The following TAFA5 variants were observed in gnomAD, a reference collection of about 807,000 sequenced individuals.
The protein encoded by TAFA5 is TAFA chemokine like family member 5.
In TAFA5, 6 loss-of-function variants were observed where a neutral mutation model predicts 15.3. The ratio of observed to expected loss-of-function variants is 0.39; its 90% CI spans 0.21 to 0.77. The LOEUF is 0.77. Ranked by LOEUF, TAFA5 falls within the 30% of genes least tolerant of loss-of-function variation. The probability of loss-of-function intolerance (pLI) is 0.41; values close to 1 mark genes in which losing one functional copy is unlikely to be tolerated. For synonymous variants in TAFA5, 103 were observed against 80.7 expected (o/e 1.28, Z -1.48); for missense variants, 161 against 193.1 (o/e 0.83, Z 0.98).
At chr22:48,615,289 G>A (rs1177463737) in intron 1 of TAFA5, among the ~76,000 whole-genome samples, 7 of 152,186 alleles carry the variant, frequency 4.6e-5, no homozygotes, top group Non-Finnish European at 1.0e-4. Context: ...AAAAGCACTC[G>A]TATCTGCCCA....
chr22:48,735,424 C>T (rs1929981701), intron 3 of TAFA5, among the ~76,000 whole-genome samples: 1 of 152,180 alleles, frequency 6.6e-6, no homozygotes, highest in Non-Finnish European at 1.5e-5. Context: ...ATAGAGAATT[C>T]CCAAAATACG....
intron 1 of TAFA5, among the ~76,000 whole-genome samples, chr22:48,582,466 C>CACCACAT (rs1924093377): frequency 6.6e-6 from 1 of 151,008 alleles, no homozygotes; most frequent in African/African-American, 2.4e-5. Context: ...ACACAAAATA[C>CACCACAT]ACCACACACA....
intron 1 of TAFA5, among the ~76,000 whole-genome samples, chr22:48,522,352 A>G (rs1006430568): frequency 1.3e-5 from 2 of 151,852 alleles, no homozygotes; most frequent in Non-Finnish European, 2.9e-5. Context: ...GTCTGTGCCC[A>G]CAGGCTGGGG....
chr22:48,639,494 CAGG>C (rs1022777156), intron 1 of TAFA5, among the ~76,000 whole-genome samples: 1 of 152,240 alleles, frequency 6.6e-6, no homozygotes, highest in Admixed American at 6.5e-5. Context: ...CCACGGGTGG[CAGG>C]AGCTGCTCCA....
intron 1 of TAFA5, among the ~76,000 whole-genome samples, chr22:48,516,476 C>T (rs1021512748): frequency 2.0e-5 from 3 of 152,168 alleles, no homozygotes; most frequent in African/African-American, 4.8e-5. Context: ...CGCTGCTGAA[C>T]GAAATGGGGG....
intron 1 of TAFA5, among the ~76,000 whole-genome samples, chr22:48,583,550 TACACCACAC>T (rs1168526824): frequency 1.7e-5 from 2 of 116,940 alleles, no homozygotes; most frequent in Non-Finnish European, 3.6e-5. Flanking sequence ...ACATACAAAA[TACACCACAC>T]ACACCACACA....
chr22:48,528,043 T>C (rs954784529), intron 1 of TAFA5, among the ~76,000 whole-genome samples: 2 of 152,252 alleles, frequency 1.3e-5, no homozygotes, highest in African/African-American at 4.8e-5. Flanking sequence ...GAAAGCGGCA[T>C]AGACAGAGCT....
intron 1 of TAFA5, among the ~76,000 whole-genome samples, chr22:48,499,585 G>A (rs915041843): frequency 6.6e-6 from 1 of 152,194 alleles, no homozygotes; most frequent in African/African-American, 2.4e-5. Context: ...GGCTCAGTAG[G>A]GCCCTCCGCA....
At chr22:48,719,798 C>T (rs56077101) in intron 3 of TAFA5, among the ~76,000 whole-genome samples, 2 of 152,182 alleles carry the variant, frequency 1.3e-5, no homozygotes, top group African/African-American at 2.4e-5. Flanking sequence ...ACGATAATGG[C>T]TGGACATTTT....
intron 3 of TAFA5, among the ~76,000 whole-genome samples, chr22:48,710,917 A>C (rs912679897): frequency 6.6e-6 from 1 of 152,124 alleles, no homozygotes; most frequent in Non-Finnish European, 1.5e-5. Flanking sequence ...GGCCAGGTGT[A>C]CAGAAGTCCA....
intron 1 of TAFA5, among the ~76,000 whole-genome samples, chr22:48,548,971 CT>C (rs1302819290): frequency 6.6e-6 from 1 of 152,214 alleles, no homozygotes; most frequent in Non-Finnish European, 1.5e-5. Flanking sequence ...CTGGAAGAGC[CT>C]TTTGGCCAAA....
At chr22:48,641,794 T>A (rs1298963599) in intron 1 of TAFA5, among the ~76,000 whole-genome samples, 1 of 152,060 alleles carries the variant, frequency 6.6e-6, no homozygotes, top group African/African-American at 2.4e-5. Context: ...CAGAGGCCAC[T>A]CCCCAAGCAC....
intron 3 of TAFA5, among the ~76,000 whole-genome samples, chr22:48,723,644 C>CT (rs1929634701): frequency 6.6e-6 from 1 of 152,318 alleles, no homozygotes; most frequent in East Asian, 1.9e-4. Context: ...AGTGACTGCT[C>CT]TTCTGCGTGC....
chr22:48,749,772 C>T (rs1204325740), intron 3 of TAFA5, 67 bp from the exon 4 acceptor site: 37 of 1,536,542 alleles, frequency 2.4e-5, no homozygotes, highest in Non-Finnish European at 3.3e-5. Context: ...GAAGAGGAGC[C>T]TGTGTTCCCT....
At chr22:48,694,024 C>T (rs1168882400) in intron 2 of TAFA5, among the ~76,000 whole-genome samples, 1 of 152,142 alleles carries the variant, frequency 6.6e-6, no homozygotes, top group African/African-American at 2.4e-5. Context: ...GCCCGTGGGC[C>T]CCTCTGAGGT....
intron 1 of TAFA5, among the ~76,000 whole-genome samples, chr22:48,548,071 C>T (rs891940327): frequency 5.9e-5 from 9 of 152,308 alleles, no homozygotes; most frequent in South Asian, 2.1e-4. Flanking sequence ...GGACCTCCCC[C>T]GAGTGAACAT....
At chr22:48,576,451 C>T in intron 1 of TAFA5, 1 of 1,380,982 alleles carries the variant, frequency 7.2e-7, no homozygotes, top group Non-Finnish European at 9.5e-7. Context: ...TGCGCGACTT[C>T]GGGGGCGTCG....
intron 1 of TAFA5, among the ~76,000 whole-genome samples, chr22:48,604,157 G>A (rs1032711387): frequency 5.9e-5 from 9 of 152,166 alleles, no homozygotes; most frequent in Admixed American, 6.5e-5. Context: ...GGGCATTGAC[G>A]TGCCCAGCCA....
chr22:48,702,506 G>A (rs1928941976), intron 2 of TAFA5, among the ~76,000 whole-genome samples: 1 of 152,156 alleles, frequency 6.6e-6, no homozygotes, highest in Non-Finnish European at 1.5e-5. Flanking sequence ...CCGGCCCGGG[G>A]ACAGGCACTG....
Sources: allele counts gnomAD v4.1 joint callset (sites outside exome capture counted in the v4.1 genomes callset), GRCh38; gene constraint gnomAD v4.1.1; transcripts MANE v1.5; gene names NCBI Gene and HGNC (gene_info 2026-07-23, HGNC 2026-07-21).